The following SNX31 variants were observed in gnomAD, a reference collection of about 807,000 sequenced individuals.
SNX31 encodes the protein sorting nexin 31.
Under a neutral mutation model 65.4 loss-of-function variants are expected in SNX31, and 58 were observed. The observed-to-expected ratio is 0.89, with a 90% CI of 0.72 to 1.10. The LOEUF is 1.10. Ranked by LOEUF, SNX31 falls within the 50% of genes least tolerant of loss-of-function variation. The pLI, the probability that SNX31 is intolerant of heterozygous loss-of-function variation, is 0.00. For missense variants in SNX31, 523 were observed against 529.7 expected (o/e 0.99, Z 0.12); for synonymous variants, 181 against 190.1 (o/e 0.95, Z 0.39).
Position 100,630,929 on chromosome 8 carries a change from A to G in SNX31, c.257-538T>C, listed in dbSNP as rs1164209761. On this transcript the variant is annotated intron_variant, in intron 3 of 13. Transcript: ENST00000311812. This position sits in a 1 kb window ranked among gnomAD's most constrained non-coding sequence, Gnocchi z 5.3. ...CAGCCTCTGAAGTAGCTGGGATTAC[A>G]GGCACTCACCACCATGCCCGGCTAA... Among the ~76,000 whole-genome samples the G allele has an allele frequency of 6.6e-6, 1 of 152,128 alleles. No homozygotes were observed. Among genetic ancestry groups the G allele is most frequent in the Non-Finnish European group, 1.5e-5 (1 of 68,018 alleles).
chr8:100,604,848 A>G lies in SNX31; in HGVS notation c.681+3646T>C, dbSNP rs1815991583. ...TTATGATGGATCCATTATTTATCAC[A>G]ACTCAAGAGCTTTTCATGTTAACTT... On this transcript the variant is annotated intron_variant, in intron 8 of 13. Transcript: ENST00000311812. The surrounding 1 kb of genome is among the most constrained non-coding windows in gnomAD (Gnocchi z 4.3). 1.3e-5 allele frequency among the ~76,000 whole-genome samples: 2 copies of G among 152,262 alleles called. No homozygotes were observed. The highest frequency in any genetic ancestry group is 4.1e-4 in the South Asian group (2 of 4,828).
chr8:100,597,087 A>G lies in SNX31; in HGVS notation c.775-245T>C, dbSNP rs1486903007. On this transcript the variant is annotated intron_variant, in intron 9 of 13. Coordinates refer to ENST00000311812, the MANE Select transcript of SNX31 (RefSeq NM_152628.4). ...AGGGACCATTCCTGCCTCTTTCACC[A>G]CTGTGTCCCTGCCCCTGTTATGGTG... 2.6e-5 allele frequency among the ~76,000 whole-genome samples: 4 copies of G among 152,126 alleles called. No individual in the cohort carries two copies. The East Asian group carries it at 7.7e-4, about 29-fold the overall frequency.
intron 8 of SNX31, among the ~76,000 whole-genome samples, chr8:100,607,180 C>T (rs1816243129): frequency 6.6e-6 from 1 of 152,320 alleles, no homozygotes; most frequent in South Asian, 2.1e-4. Flanking sequence ...TGACCCACCA[C>T]CCTGCCTGCT....
chr8:100,626,537 C>CAGAAACA lies in SNX31; in HGVS notation c.321+3783_321+3789dup, dbSNP rs1368369417. Among the ~76,000 whole-genome samples the CAGAAACA allele has an allele frequency of 3.9e-5, 6 of 152,188 alleles. No homozygotes were observed. The South Asian group carries it at 1.0e-3, about 26-fold the overall frequency. On this transcript the variant is annotated intron_variant, in intron 4 of 13. Transcript: ENST00000311812. The surrounding 1 kb of genome is among the most constrained non-coding windows in gnomAD (Gnocchi z 4.4). ...GGTAGCATGTTCATAAGAAAGTGCT[C>CAGAAACA]AGAAACAAGAAACAAGAACTGGAAA...
At position 100,604,376 on chromosome 8, in the gene SNX31, G is replaced by C. The variant is rs1034656287; in HGVS notation, c.682-3935C>G. On this transcript the variant is annotated intron_variant, in intron 8 of 13. Transcript: ENST00000311812. The surrounding 1 kb of genome is among the most constrained non-coding windows in gnomAD (Gnocchi z 4.3). Reference sequence around the variant, plus strand: ...AGTGTCCTCTGCAGAGGGCACAGTAGTGAGAAATAGAGGTCATATGCCTCT... The same window carrying C: ...AGTGTCCTCTGCAGAGGGCACAGTACTGAGAAATAGAGGTCATATGCCTCT... Among the ~76,000 whole-genome samples the C allele has an allele frequency of 6.6e-6, 1 of 152,264 alleles. No homozygotes were observed. The highest frequency in any genetic ancestry group is 1.5e-5 in the Non-Finnish European group (1 of 68,048).
chr8:100,603,754 T>C (rs941036670), intron 8 of SNX31, among the ~76,000 whole-genome samples: 4 of 151,574 alleles, frequency 2.6e-5, no homozygotes, highest in African/African-American at 9.7e-5. Context: ...CCTTTTTTTT[T>C]TTTGAGACAG....
intron 9 of SNX31, 96 bp from the exon 10 acceptor site, chr8:100,596,938 TTC>T: frequency 9.8e-7 from 1 of 1,018,914 alleles, no homozygotes; most frequent in Non-Finnish European, 1.5e-6. Context: ...GCTACTGCCA[TTC>T]TAGGATAATA....
At chr8:100,574,168 G>A (rs569562679) in intron 13 of SNX31, among the ~76,000 whole-genome samples, 100 of 152,248 alleles carry the variant, frequency 6.6e-4, no homozygotes, top group Non-Finnish European at 1.1e-3. Flanking sequence ...GAAGAGCACC[G>A]CCTACTGGTT....
rs527460983 is a variant in SNX31 at position 100,614,258 on chromosome 8, T to C, written c.433-1173A>G. Among the ~76,000 whole-genome samples, 2 of 152,266 alleles carry C rather than the reference T, an allele frequency of 1.3e-5. No individual in the cohort carries two copies. Among genetic ancestry groups the C allele is most frequent in the East Asian group, 3.9e-4 (2 of 5,188 alleles). ...GGTAAGTGTGTGGTAGGTAACAGCATAGTAAAGACATCTTTCCCAGAGTAA... is the reference window on the plus strand; with the variant it reads ...GGTAAGTGTGTGGTAGGTAACAGCACAGTAAAGACATCTTTCCCAGAGTAA... On this transcript the variant is annotated intron_variant, in intron 5 of 13. Transcript: ENST00000311812. The surrounding 1 kb of genome is among the most constrained non-coding windows in gnomAD (Gnocchi z 5.1).
chr8:100,661,419 C>G (rs139286242), intron 1 of SNX31, among the ~76,000 whole-genome samples: 1,729 of 152,098 alleles, frequency 0.011, 17 homozygotes, highest in Non-Finnish European at 0.016. Flanking sequence ...GCAAGAAGAT[C>G]AAAAAAGTCC....
At chr8:100,591,218 A>G (rs149464555) in intron 10 of SNX31, among the ~76,000 whole-genome samples, 15 of 152,224 alleles carry the variant, frequency 9.9e-5, no homozygotes, top group African/African-American at 2.7e-4. Context: ...ACAAGGATGG[A>G]AAGAGTTCAT....
chr8:100,646,147 T>C (rs561933605), intron 2 of SNX31, among the ~76,000 whole-genome samples: 14 of 151,974 alleles, frequency 9.2e-5, no homozygotes, highest in African/African-American at 3.4e-4. Context: ...AAAAGGCAGA[T>C]TCATAGGAGG....
At chr8:100,617,771 T>C (rs1817349648) in intron 4 of SNX31, 41 bp from the exon 5 acceptor site, 10 of 1,470,204 alleles carry the variant, frequency 6.8e-6, no homozygotes, top group Non-Finnish European at 8.4e-6. Flanking sequence ...CCACACCTTT[T>C]TTTTTTTTTT....
At chr8:100,635,774 T>C in intron 3 of SNX31, 123 bp downstream of exon 3, 2 of 641,052 alleles carry the variant, frequency 3.1e-6, no homozygotes, top group South Asian at 2.5e-5. Context: ...ATTACGGTAA[T>C]GGTCGCACAA....
chr8:100,596,501 A>G, intron 10 of SNX31, 138 bp downstream of exon 10: 1 of 680,516 alleles, frequency 1.5e-6, no homozygotes, highest in East Asian at 2.7e-5. Flanking sequence ...CCACTAGGTG[A>G]TATTTAATGT....
chr8:100,656,896 G>T (rs930598203), intron 1 of SNX31, among the ~76,000 whole-genome samples: 1 of 152,080 alleles, frequency 6.6e-6, no homozygotes, highest in African/African-American at 2.4e-5. Context: ...TGCCGACAAT[G>T]ATTCCCAGAT....
Position 100,649,452 on chromosome 8 carries a change from G to T in SNX31, c.63C>A (p.Tyr21Ter). 1 of 1,267,370 alleles carries T rather than the reference G, an allele frequency of 7.9e-7. No homozygotes were observed. The highest frequency in any genetic ancestry group is 1.2e-5 in the South Asian group (1 of 82,204). The allele number at this position is 1,267,370 out of a possible 1,614,324, so 78.5% of individuals were successfully genotyped here. Reference protein sequence around the residue: ...QQRSDALGGRYVLYSVHLDGF... With the variant: ...QQRSDALGGR The stretch of plus-strand genomic sequence containing the variant: ...CTGACCCCAGCCCTGGGCGCACCAC[G>T]TAGCGGCCCCCCAGCGCGTCGGACC... Residue 21 changes from tyrosine (Y) to a stop codon, truncating the protein, a stop_gained, in exon 1 of 14, where the codon TAC (tyrosine) becomes TAA (stop). Transcript: ENST00000311812. LOFTEE classifies it high-confidence loss of function.
intron 11 of SNX31, among the ~76,000 whole-genome samples, chr8:100,585,771 G>A (rs904951094): frequency 2.0e-5 from 3 of 152,134 alleles, no homozygotes; most frequent in Non-Finnish European, 4.4e-5. Context: ...ATGTTTAATA[G>A]GGTCCAATAA....
chr8:100,624,594 C>T (rs1016262696), intron 4 of SNX31, among the ~76,000 whole-genome samples: 2 of 152,080 alleles, frequency 1.3e-5, no homozygotes, highest in Non-Finnish European at 2.9e-5. Context: ...GAGACCAAAG[C>T]AAGCACAAAA....
Sources: gnomAD v4.1 joint callset for allele counts (sites outside exome capture counted in the v4.1 genomes callset) on GRCh38, gnomAD v4.1.1 for gene constraint, Gnocchi (gnomAD v3.1) non-coding constraint, MANE v1.5 for transcripts, NCBI Gene and HGNC (gene_info 2026-07-23, HGNC 2026-07-21) for gene names.